Variants in PIEZO1 observed in about 807,000 individuals in gnomAD.
PIEZO1 encodes piezo type mechanosensitive ion channel component 1 (Er blood group), also known as piezo-type mechanosensitive ion channel component 1.
A neutral mutation model predicts 297.2 loss-of-function variants in PIEZO1; 296 were observed. That is an observed-to-expected ratio of 1.00 (90% confidence interval 0.91 to 1.10). The LOEUF is 1.10. PIEZO1 is among the 50% of genes least tolerant of loss of function. The probability of loss-of-function intolerance (pLI) is 0.00; values close to 1 mark genes in which losing one functional copy is unlikely to be tolerated. For synonymous variants in PIEZO1, 2,427 were observed against 1,507.5 expected (o/e 1.61, Z -14.13); for missense variants, 5,018 against 3,455.5 (o/e 1.45, Z -11.34).
At chr16:88,733,871 C>A in intron 17 of PIEZO1, 35 bp downstream of exon 17, 1 of 1,471,656 alleles carries the variant, frequency 6.8e-7, no homozygotes, top group Non-Finnish European at 9.0e-7. Context: ...GCACAGCAGA[C>A]TGGGTGGCAG....
intron 1 of PIEZO1, among the ~76,000 whole-genome samples, chr16:88,757,108 G>C (rs1165042150): frequency 6.6e-6 from 1 of 152,144 alleles, no homozygotes; most frequent in Admixed American, 6.5e-5. Context: ...CTGGGGAGCC[G>C]CACTGGCCCT....
chr16:88,728,320 A>C (rs150066932), intron 22 of PIEZO1, among the ~76,000 whole-genome samples: 73 of 152,366 alleles, frequency 4.8e-4, no homozygotes, highest in Middle Eastern at 3.4e-3. Flanking sequence ...GAGGGCATGG[A>C]TGTGACTCCA....
rs569978802 is a variant in PIEZO1, at chr16:88,770,738, G to A, written c.64+14163C>T. 5.9e-5 allele frequency among the ~76,000 whole-genome samples: 9 copies of A among 152,324 alleles called. No individual in the cohort carries two copies. In the South Asian group the frequency reaches 1.7e-3, roughly 28 times the overall value. ...AGCCGCACCAAGTCACCCTGAGCAC[G>A]CCCCACGGTTCCCACGGAGCAGTCA... On this transcript the variant is annotated intron_variant, in intron 1 of 50. Coordinates refer to ENST00000301015, the MANE Select transcript of PIEZO1 (RefSeq NM_001142864.4).
At chr16:88,717,601 C>CA (rs766852704) in intron 44 of PIEZO1, 146 of 466,000 alleles carry the variant, frequency 3.1e-4, no homozygotes, top group Admixed American at 1.6e-3. Flanking sequence ...AGAAAACGGG[C>CA]AAATCTTCAT....
In PIEZO1 at chr16:88,727,117, C is replaced by G. The variant is rs765932757; in HGVS notation, c.3377G>C (p.Arg1126Pro). The G allele has an allele frequency of 6.5e-7, 1 of 1,549,954 alleles. No individual in the cohort carries two copies. The highest frequency in any genetic ancestry group is 1.2e-5 in the South Asian group (1 of 84,044). Reference protein sequence around the residue: ...FSAERTEEWQRMAGVNTDRLE... With the variant: ...FSAERTEEWQPMAGVNTDRLE... ...GCGGTCGGTGTTGACGCCAGCCATG[C>G]GCTGCCACTCCTCTGTGCGCTCAGC... Residue 1126 changes from arginine (R) to proline (P), a missense_variant, in exon 24 of 51, where the codon CGC becomes CCC. By Grantham distance (103) the Arg-to-Pro change is moderately radical. Transcript: ENST00000301015.
At position 88,721,375 on chromosome 16, in the gene PIEZO1, C is replaced by T. The variant is rs777974628; in HGVS notation, c.5459G>A (p.Ser1820Asn). Residue 1820 changes from serine to asparagine, a missense_variant, in exon 39 of 51, where the codon AGC (serine) becomes AAC (asparagine). Physicochemically the swap from Ser to Asn is conservative, Grantham distance 46. Transcript: ENST00000301015. ...EDSPSKEHDKSGEEEQGAEEG... is the reference protein window; with the variant it reads ...EDSPSKEHDKNGEEEQGAEEG... ...CTCGGCTCCCTGCTCCTCCTCGCCG[C>T]TCTTGTCATGCTCCTTGGATGGTGA... The T allele has an allele frequency of 3.2e-6, 5 of 1,549,888 alleles. No individual in the cohort carries two copies. In the African/African-American group the frequency reaches 4.1e-5, roughly 13 times the overall value.
chr16:88,739,099 G>C (rs909669055), intron 5 of PIEZO1: 2 of 250,104 alleles, frequency 8.0e-6, no homozygotes, highest in African/African-American at 2.2e-5. Context: ...GGGAGCAGCG[G>C]GGCCCTGTCT....
At chr16:88,718,438 C>T (rs955268819) in intron 44 of PIEZO1, 5 of 152,400 alleles carry the variant, frequency 3.3e-5, no homozygotes, top group African/African-American at 1.2e-4. Flanking sequence ...GCATCACGGG[C>T]AACAGCCCAT....
At chr16:88,728,507 T>G (rs1159674902) in intron 22 of PIEZO1, among the ~76,000 whole-genome samples, 1 of 142,674 alleles carries the variant, frequency 7.0e-6, no homozygotes, top group Admixed American at 7.0e-5. Flanking sequence ...ACCCAGGACA[T>G]GCTGAACCCA....
At chr16:88,781,861 G>A (rs1465434156) in intron 1 of PIEZO1, among the ~76,000 whole-genome samples, 1 of 152,234 alleles carries the variant, frequency 6.6e-6, no homozygotes, top group Non-Finnish European at 1.5e-5. Flanking sequence ...ATGCTAAATG[G>A]TGACACTTCT....
Position 88,737,941 on chromosome 16 carries a change from G to C in PIEZO1, c.1013C>G (p.Ser338Cys), listed in dbSNP as rs112081600. The C allele has an allele frequency of 2.6e-6, 4 of 1,530,250 alleles. No individual in the cohort carries two copies. The East Asian group carries it at 7.4e-5, about 28-fold the overall frequency. 94.8% of individuals were successfully genotyped at this position (1,530,250 alleles called of 1,614,324 possible). A position where few individuals can be genotyped will look rare whatever the true frequency, so the allele number is the denominator to read the frequency against. ...SLRKLRAYRPSGQRKEAAKGY... is the reference protein window; with the variant it reads ...SLRKLRAYRPCGQRKEAAKGY... ...TGGGTGGCAGGTGCTCACCTGGCCG[G>C]AGGGGCGGTACGCGCGGAGCTTGCG... Residue 338 changes from serine (S) to cysteine (C), a missense_variant, in exon 8 of 51, where the codon TCC becomes TGC. Coordinates refer to ENST00000301015, the MANE Select transcript of PIEZO1 (RefSeq NM_001142864.4).
At chr16:88,718,564 C>CTGAT (rs1912210840) in intron 44 of PIEZO1, 2 of 152,426 alleles carry the variant, frequency 1.3e-5, no homozygotes, top group South Asian at 2.1e-4. Flanking sequence ...GCAAGGAAAG[C>CTGAT]TGATTACAAA....
chr16:88,772,208 G>A (rs979660152), intron 1 of PIEZO1, among the ~76,000 whole-genome samples: 1 of 152,252 alleles, frequency 6.6e-6, no homozygotes, highest in African/African-American at 2.4e-5. Flanking sequence ...TGAGACCCCA[G>A]ATCCAGCACC....
chr16:88,721,612 C>A lies in PIEZO1; in HGVS notation c.5329G>T (p.Glu1777Ter), dbSNP rs1188616210. 1 of 1,550,254 alleles carries A rather than the reference C, an allele frequency of 6.5e-7. No individual in the cohort carries two copies. Among genetic ancestry groups the A allele is most frequent in the East Asian group, 2.4e-5 (1 of 40,924 alleles). ...TACTTGATGTAGCCGTCAGTCTTCT[C>A]CAGGCCCAGGATGCGGGGCGGGAAG... ...PYFPPRILGL[E>*]KTDGYIKYDL... The change falls in exon 38 of 51, where the codon GAG becomes TAG. Residue 1777 changes from glutamate (E) to a stop codon, truncating the protein, a stop_gained. Transcript: ENST00000301015. LOFTEE classifies it high-confidence loss of function.
At chr16:88,775,079 G>A (rs927659668) in intron 1 of PIEZO1, among the ~76,000 whole-genome samples, 31 of 152,302 alleles carry the variant, frequency 2.0e-4, no homozygotes, top group African/African-American at 6.3e-4. Context: ...CAGAGTTCCC[G>A]GCCGTACCCG....
chr16:88,724,258 C>T (rs1438018020), intron 30 of PIEZO1, among the ~76,000 whole-genome samples: 4 of 152,230 alleles, frequency 2.6e-5, no homozygotes, highest in Non-Finnish European at 1.5e-5. Flanking sequence ...AGGCCGGGCA[C>T]GGTGGCTGAC....
chr16:88,778,576 C>T (rs1378580525), intron 1 of PIEZO1, among the ~76,000 whole-genome samples: 1 of 152,202 alleles, frequency 6.6e-6, no homozygotes, highest in African/African-American at 2.4e-5. Flanking sequence ...GCCTAAGGGG[C>T]CCTGGCAGCG....
chr16:88,739,780 G>A (rs1905514523), intron 5 of PIEZO1: 1 of 152,474 alleles, frequency 6.6e-6, no homozygotes, highest in South Asian at 2.1e-4. Flanking sequence ...CCCTCTCAGA[G>A]ACCACACAGC....
At chr16:88,769,405 C>A (rs1907320094) in intron 1 of PIEZO1, among the ~76,000 whole-genome samples, 1 of 152,192 alleles carries the variant, frequency 6.6e-6, no homozygotes, top group Non-Finnish European at 1.5e-5. Context: ...TGAAGTCAGG[C>A]CTGGAATTTT....
Sources: allele counts gnomAD v4.1 joint callset (sites outside exome capture counted in the v4.1 genomes callset), GRCh38; gene constraint gnomAD v4.1.1; transcripts MANE v1.5; gene names NCBI Gene and HGNC (gene_info 2026-07-23, HGNC 2026-07-21).